Variants in GRK5 observed in about 807,000 individuals in gnomAD.
GRK5 encodes g protein-coupled receptor kinase GRK5.
Under a neutral mutation model 78.4 loss-of-function variants are expected in GRK5, and 40 were observed. That is an observed-to-expected ratio of 0.51 (90% CI 0.40 to 0.66). GRK5 has a LOEUF of 0.66. Ranked by LOEUF, GRK5 falls within the 30% of genes least tolerant of loss-of-function variation. The probability of loss-of-function intolerance (pLI) is 0.00; values close to 1 mark genes in which losing one functional copy is unlikely to be tolerated. For synonymous variants in GRK5, 289 were observed against 296.8 expected, an observed-to-expected ratio of 0.97 and a Z score of 0.27; for missense variants, 598 against 759.9, an observed-to-expected ratio of 0.79 and a Z score of 2.50.
chr10:119,310,981 G>A (rs1403577919), intron 1 of GRK5, among the ~76,000 whole-genome samples: 1 of 152,118 alleles, frequency 6.6e-6, no homozygotes, highest in Non-Finnish European at 1.5e-5. Context: ...CTTGATCCAG[G>A]GCTGGGTCAA....
In GRK5 at chr10:119,445,999, C is replaced by G. The variant is rs1853138584; in HGVS notation, c.1267-2124C>G. On this transcript the variant is annotated intron_variant, in intron 12 of 15. Coordinates refer to ENST00000392870, the MANE Select transcript of GRK5 (RefSeq NM_005308.3). This position sits in a 1 kb window ranked among gnomAD's most constrained non-coding sequence, Gnocchi z 4.1. ...AGTCCATGGGCCCAGACCTCAGCCT[C>G]CATCTTCCCCAAACCCCTGCTCAGT... Among the ~76,000 whole-genome samples the G allele has an allele frequency of 6.6e-6, 1 of 152,206 alleles. No individual in the cohort carries two copies. Among genetic ancestry groups the G allele is most frequent in the Admixed American group, 6.5e-5 (1 of 15,282 alleles).
intron 1 of GRK5, among the ~76,000 whole-genome samples, chr10:119,295,481 G>A (rs897661056): frequency 6.6e-6 from 1 of 152,120 alleles, no homozygotes; most frequent in African/African-American, 2.4e-5. Flanking sequence ...CTACCCAGAG[G>A]AAAATAAGTC....
chr10:119,396,818 A>T (rs757179548), intron 4 of GRK5, 46 bp downstream of exon 4: 4 of 1,435,832 alleles, frequency 2.8e-6, no homozygotes, highest in Non-Finnish European at 3.9e-6. Flanking sequence ...AGGAGGCCTT[A>T]TGCAAAAATA....
intron 2 of GRK5, among the ~76,000 whole-genome samples, chr10:119,376,992 A>G (rs966910848): frequency 1.3e-5 from 2 of 152,082 alleles, no homozygotes; most frequent in Admixed American, 6.5e-5. Flanking sequence ...GCGTGTGTGT[A>G]TGTGCGTGCG....
At chr10:119,306,219 G>A (rs960451595) in intron 1 of GRK5, among the ~76,000 whole-genome samples, 7 of 152,178 alleles carry the variant, frequency 4.6e-5, no homozygotes, top group Non-Finnish European at 7.3e-5. Flanking sequence ...GATTCTTGTC[G>A]CCTTTTGTGG....
At position 119,253,850 on chromosome 10, in the gene GRK5, GTGTGT is replaced by G. The variant is rs1564864881; in HGVS notation, c.52+45882_52+45886del. 2.0e-4 allele frequency among the ~76,000 whole-genome samples: 1 copy of G among 5,038 alleles called. No homozygotes were observed. Among genetic ancestry groups the G allele is most frequent in the African/African-American group, 6.7e-4 (1 of 1,488 alleles). The allele number at this position is 5,038 out of a possible 152,430, so 3.3% of individuals were successfully genotyped here. ...CCTGGTGGTTCTTTGCCCCAGGGGT[GTGTGT>G]GTGTGTGTGTGTGTGTGTACACATG... is the stretch of plus-strand genomic sequence containing the variant. On this transcript the variant is annotated intron_variant, in intron 1 of 15. Transcript: ENST00000392870. This position sits in a 1 kb window ranked among gnomAD's most constrained non-coding sequence, Gnocchi z 5.7.
At chr10:119,341,928 AT>A (rs1241439562) in intron 2 of GRK5, among the ~76,000 whole-genome samples, 1 of 152,078 alleles carries the variant, frequency 6.6e-6, no homozygotes, top group Non-Finnish European at 1.5e-5. Flanking sequence ...TTAGAGAGAG[AT>A]TCCTAGTTGC....
chr10:119,398,641 C>T (rs1007854882), intron 4 of GRK5, among the ~76,000 whole-genome samples: 1 of 152,268 alleles, frequency 6.6e-6, no homozygotes, highest in African/African-American at 2.4e-5. Context: ...TCAGGCACCA[C>T]TGTCTATAGT....
At chr10:119,440,003 C>A (rs529197880) in intron 10 of GRK5, among the ~76,000 whole-genome samples, 1 of 152,284 alleles carries the variant, frequency 6.6e-6, no homozygotes, top group Non-Finnish European at 1.5e-5. Flanking sequence ...TTCCCTTTGA[C>A]CATAAGGCTC....
At chr10:119,414,390 TGA>T (rs985397517) in intron 4 of GRK5, among the ~76,000 whole-genome samples, 3 of 151,938 alleles carry the variant, frequency 2.0e-5, no homozygotes, top group East Asian at 1.9e-4. Context: ...TGTGTGTGTG[TGA>T]GAGAGAGAGA....
At chr10:119,418,034 G>C (rs926935271) in intron 4 of GRK5, among the ~76,000 whole-genome samples, 3 of 152,216 alleles carry the variant, frequency 2.0e-5, no homozygotes, top group African/African-American at 7.2e-5. Flanking sequence ...GTAAGAAGGA[G>C]TGAGTCATCG....
chr10:119,433,080 AAAAC>A (rs970465532), intron 8 of GRK5, among the ~76,000 whole-genome samples: 9 of 152,176 alleles, frequency 5.9e-5, no homozygotes, highest in African/African-American at 1.4e-4. Flanking sequence ...AAAACAAAAC[AAAAC>A]AAACAAACAA....
At position 119,207,639 on chromosome 10, in the gene GRK5, C is replaced by T. The variant is rs1168369863; in HGVS notation, c.-279C>T. On this transcript the variant is annotated 5_prime_UTR_variant, in exon 1 of 16. Transcript: ENST00000392870. ...AGGAGAATGGAGTGACAGAGACACG[C>T]GGAGGGTGGGGGGTGGGGGGGAGCG... 1 of 270,800 alleles carries T rather than the reference C, an allele frequency of 3.7e-6. No individual in the cohort carries two copies. Among genetic ancestry groups the T allele is most frequent in the Non-Finnish European group, 6.3e-6 (1 of 159,788 alleles). 16.8% of individuals were successfully genotyped at this position (270,800 alleles called of 1,614,324 possible).
intron 1 of GRK5, among the ~76,000 whole-genome samples, chr10:119,230,830 C>CA (rs5788332): frequency 0.54 from 33,550 of 61,572 alleles, 9,951 homozygotes; most frequent in East Asian, 0.73. Context: ...GACCCTATCT[C>CA]AAAAAAAAAA....
chr10:119,208,350 G>GGT (rs1848425151), intron 1 of GRK5, among the ~76,000 whole-genome samples: 1 of 152,262 alleles, frequency 6.6e-6, no homozygotes, highest in African/African-American at 2.4e-5. Flanking sequence ...TGTGTGAACT[G>GGT]GTGTGTGTGT....
Position 119,210,604 on chromosome 10 carries a change from A to T in GRK5, c.52+2635A>T, listed in dbSNP as rs111816579. On this transcript the variant is annotated intron_variant, in intron 1 of 15. Coordinates refer to ENST00000392870, the MANE Select transcript of GRK5 (RefSeq NM_005308.3). ...AATATCTAATATAAAACAGTATATT[A>T]AAAAAATCTGAGTTGTTTAAAAGGT... Among the ~76,000 whole-genome samples, 579 of 152,356 alleles carry T rather than the reference A, an allele frequency of 3.8e-3. 6 individuals carry two copies. Among genetic ancestry groups the T allele is most frequent in the South Asian group, 0.018 (86 of 4,826 alleles).
At chr10:119,294,645 AGGAGG>A (rs945083390) in intron 1 of GRK5, among the ~76,000 whole-genome samples, 2 of 152,118 alleles carry the variant, frequency 1.3e-5, no homozygotes, top group African/African-American at 4.8e-5. Flanking sequence ...AGGGCTAAGG[AGGAGG>A]GAGGCAGGGG....
chr10:119,294,154 A>C (rs1311964238), intron 1 of GRK5, among the ~76,000 whole-genome samples: 1 of 152,190 alleles, frequency 6.6e-6, no homozygotes, highest in Non-Finnish European at 1.5e-5. Flanking sequence ...GGTGAGAGGC[A>C]TGTGTGGTGA....
At chr10:119,241,631 A>G (rs965461371) in intron 1 of GRK5, among the ~76,000 whole-genome samples, 3 of 152,162 alleles carry the variant, frequency 2.0e-5, no homozygotes, top group African/African-American at 7.2e-5. Flanking sequence ...TGAGCCTTTC[A>G]CTGTGCCCAG....
Sources: gnomAD v4.1 joint callset for allele counts (sites outside exome capture counted in the v4.1 genomes callset) on GRCh38, gnomAD v4.1.1 for gene constraint, Gnocchi (gnomAD v3.1) non-coding constraint, MANE v1.5 for transcripts, NCBI Gene and HGNC (gene_info 2026-07-23, HGNC 2026-07-21) for gene names.